The following TBL1XR1 variants were observed in gnomAD, a reference collection of about 807,000 sequenced individuals.
TBL1XR1 encodes the protein F-box-like/WD repeat-containing protein TBL1XR1.
TBL1XR1 carries 5 observed loss-of-function variants against 66.9 expected under a neutral mutation model. The observed-to-expected ratio is 0.07, with a 90% confidence interval of 0.04 to 0.16. The LOEUF (loss-of-function observed/expected upper bound fraction) is 0.16. Ranked by LOEUF, TBL1XR1 falls within the 10% of genes least tolerant of loss-of-function variation. TBL1XR1 has a pLI of 1.00. For synonymous variants in TBL1XR1, 210 were observed against 206.0 expected (o/e 1.02, Z -0.17); for missense variants, 238 against 623.2 (o/e 0.38, Z 6.58).
intron 2 of TBL1XR1, among the ~76,000 whole-genome samples, chr3:177,094,315 G>T (rs187986188): frequency 6.6e-6 from 1 of 152,128 alleles, no homozygotes; most frequent in East Asian, 1.9e-4. Flanking sequence ...ATCAAAAAAT[G>T]AAAAAATAAT....
Position 177,055,389 on chromosome 3 carries a change from A to G in TBL1XR1, c.59-1471T>C, listed in dbSNP as rs536582254. Among the ~76,000 whole-genome samples the G allele has an allele frequency of 8.5e-5, 13 of 152,252 alleles. 1 individual carries two copies. In the South Asian group the frequency reaches 2.1e-3, roughly 24 times the overall value. ...GAACACCTAACTCATTATGCTCACA[A>G]CATCTAACCCACAGTGGAAAAGGCA... On this transcript the variant is annotated intron_variant, in intron 3 of 15. Coordinates refer to ENST00000457928, the MANE Select transcript of TBL1XR1 (RefSeq NM_024665.7).
chr3:177,110,149 G>A (rs1344000987), intron 1 of TBL1XR1, among the ~76,000 whole-genome samples: 1 of 152,176 alleles, frequency 6.6e-6, no homozygotes, highest in Non-Finnish European at 1.5e-5. Flanking sequence ...TAAAAGCTAT[G>A]AAATGCTAAA....
chr3:177,201,368 G>A (rs943965633), upstream of TBL1XR1, among the ~76,000 whole-genome samples: 14 of 134,912 alleles, frequency 1.0e-4, no homozygotes, highest in Non-Finnish European at 2.0e-4. Context: ...CCGAGATCTT[G>A]CCATTGCACT....
chr3:177,090,517 T>TAA (rs768136243), intron 2 of TBL1XR1, among the ~76,000 whole-genome samples: 22,219 of 102,138 alleles, frequency 0.22, 2,661 homozygotes, highest in East Asian at 0.53. Flanking sequence ...CTGTCTCTAC[T>TAA]AAAAAAAAAA....
At chr3:177,112,108 T>TATATATACATATATATATATA (rs1553846589) in intron 1 of TBL1XR1, among the ~76,000 whole-genome samples, 1 of 35,726 alleles carries the variant, frequency 2.8e-5, no homozygotes, top group African/African-American at 1.5e-4. Flanking sequence ...TATATATATA[T>TATATATACATATATATATATA]TTTTTTTTTT....
chr3:177,118,542 A>C (rs994779250), intron 1 of TBL1XR1, among the ~76,000 whole-genome samples: 2 of 152,224 alleles, frequency 1.3e-5, no homozygotes, highest in African/African-American at 2.4e-5. Context: ...AGGAAATAAA[A>C]AGACAGACAT....
At chr3:177,185,125 A>G (rs751026529) in intron 1 of TBL1XR1, among the ~76,000 whole-genome samples, 1 of 152,210 alleles carries the variant, frequency 6.6e-6, no homozygotes, top group Non-Finnish European at 1.5e-5. Flanking sequence ...AAAAGGTTAC[A>G]CATGAAAATA....
chr3:177,030,428 T>C (rs1050266300), intron 14 of TBL1XR1, among the ~76,000 whole-genome samples: 7 of 152,092 alleles, frequency 4.6e-5, no homozygotes, highest in Admixed American at 2.0e-4. Flanking sequence ...AGACATACAA[T>C]AGAAGATTCA....
At position 177,133,451 on chromosome 3, in the gene TBL1XR1, G is replaced by T. The variant is rs140894086; in HGVS notation, c.-121-34910C>A. 1.4e-3 allele frequency among the ~76,000 whole-genome samples: 219 copies of T among 152,150 alleles called. 1 individual carries two copies. The highest frequency in any genetic ancestry group is 5.1e-3 in the African/African-American group (212 of 41,500). On this transcript the variant is annotated intron_variant, in intron 1 of 15. Transcript: ENST00000457928. Reference sequence around the variant, plus strand: ...AAGTTCTGCTCACTTTTTACACCAGGTGTGTGCCCAATAAACACAATCTAT... The same window carrying T: ...AAGTTCTGCTCACTTTTTACACCAGTTGTGTGCCCAATAAACACAATCTAT...
At chr3:177,170,669 T>C (rs1170785828) in intron 1 of TBL1XR1, among the ~76,000 whole-genome samples, 1 of 152,164 alleles carries the variant, frequency 6.6e-6, no homozygotes, top group Non-Finnish European at 1.5e-5. Flanking sequence ...AGGGTCTCAC[T>C]GTGTCACTCA....
At chr3:177,030,157 C>G (rs1445315476) in intron 14 of TBL1XR1, among the ~76,000 whole-genome samples, 2 of 151,722 alleles carry the variant, frequency 1.3e-5, no homozygotes, top group Admixed American at 6.6e-5. Context: ...GAGACAGACA[C>G]ACACAGAGAA....
intron 3 of TBL1XR1, among the ~76,000 whole-genome samples, chr3:177,060,952 G>GAA (rs1718443580): frequency 6.6e-6 from 1 of 152,086 alleles, no homozygotes; most frequent in Non-Finnish European, 1.5e-5. Flanking sequence ...TCTCTAAAGA[G>GAA]AAAAAAATCA....
chr3:177,087,980 G>GTGTTAAA (rs1722356104), intron 2 of TBL1XR1, among the ~76,000 whole-genome samples: 2 of 152,032 alleles, frequency 1.3e-5, no homozygotes, highest in Non-Finnish European at 2.9e-5. Context: ...TAACATTACC[G>GTGTTAAA]TGTTAAACAT....
chr3:177,048,881 T>C (rs892764214), intron 7 of TBL1XR1, among the ~76,000 whole-genome samples: 17 of 152,210 alleles, frequency 1.1e-4, no homozygotes, highest in African/African-American at 4.1e-4. Context: ...AAACTATAAA[T>C]TTCATTAACA....
At chr3:177,183,301 T>C (rs1308919780) in intron 1 of TBL1XR1, among the ~76,000 whole-genome samples, 1 of 152,180 alleles carries the variant, frequency 6.6e-6, no homozygotes, top group Admixed American at 6.5e-5. Flanking sequence ...AAATGAAGAG[T>C]ACAGAAAATG....
chr3:177,172,768 C>G (rs1733720676), intron 1 of TBL1XR1, among the ~76,000 whole-genome samples: 1 of 151,576 alleles, frequency 6.6e-6, no homozygotes, highest in African/African-American at 2.4e-5. Flanking sequence ...CAGATGAGAT[C>G]CACTGATGAA....
In TBL1XR1 at chr3:177,020,701, G is replaced by C. The variant is rs1188425943; in HGVS notation, c.*4797C>G. 1 of 152,090 alleles carries C rather than the reference G, an allele frequency of 6.6e-6. No homozygotes were observed. The highest frequency in any genetic ancestry group is 1.5e-5 in the Non-Finnish European group (1 of 68,010). 9.4% of individuals were successfully genotyped at this position (152,090 alleles called of 1,614,324 possible). ...TCTCTCTTTACCTGACTAGTAAATA[G>C]TCTATATAAACTACATAGACATCAA... is the stretch of plus-strand genomic sequence containing the variant. On this transcript the variant is annotated 3_prime_UTR_variant, in exon 16 of 16. Coordinates refer to ENST00000457928, the MANE Select transcript of TBL1XR1 (RefSeq NM_024665.7).
At chr3:177,065,765 GC>G (rs1719075534) in intron 2 of TBL1XR1, among the ~76,000 whole-genome samples, 1 of 152,150 alleles carries the variant, frequency 6.6e-6, no homozygotes, top group Non-Finnish European at 1.5e-5. Flanking sequence ...AATATTTCAG[GC>G]TTTATCAGCC....
intron 10 of TBL1XR1, among the ~76,000 whole-genome samples, chr3:177,038,805 A>C (rs1193231751): frequency 6.6e-6 from 1 of 152,202 alleles, no homozygotes; most frequent in East Asian, 1.9e-4. Context: ...AATGGACAAG[A>C]AGCCTCGGTT....
Sources: gnomAD v4.1 joint callset for allele counts (sites outside exome capture counted in the v4.1 genomes callset) on GRCh38, gnomAD v4.1.1 for gene constraint, MANE v1.5 for transcripts, NCBI Gene and HGNC (gene_info 2026-07-23, HGNC 2026-07-21) for gene names.